PTPRN2: variants seen among roughly 807,000 people sequenced by gnomAD.
PTPRN2 encodes protein tyrosine phosphatase receptor type N2.
PTPRN2 carries 74 observed loss-of-function variants against 118.8 expected under a neutral mutation model. The ratio of observed to expected loss-of-function variants is 0.62; its 90% confidence interval spans 0.52 to 0.76. The LOEUF (loss-of-function observed/expected upper bound fraction) is 0.76, where lower values mean the gene tolerates loss of function less well. Ranked by LOEUF, PTPRN2 falls within the 30% of genes least tolerant of loss-of-function variation. The pLI is 0.00. For synonymous variants in PTPRN2, 641 were observed against 608.0 expected (o/e 1.05, Z -0.80); for missense variants, 1,481 against 1,394.4 (o/e 1.06, Z -0.99).
chr7:158,107,749 C>T (rs1446262855), intron 10 of PTPRN2, among the ~76,000 whole-genome samples: 3 of 152,158 alleles, frequency 2.0e-5, no homozygotes, highest in African/African-American at 4.8e-5. Context: ...CACGCTGTAC[C>T]TGCTCTCTTC....
chr7:157,795,767 T>G (rs868150470), intron 12 of PTPRN2, among the ~76,000 whole-genome samples: 34 of 151,506 alleles, frequency 2.2e-4, no homozygotes, highest in Middle Eastern at 6.8e-3. Context: ...AGGCGGGAGG[T>G]GGAGGAGGTG....
chr7:158,240,378 C>T (rs1350313811), intron 3 of PTPRN2, among the ~76,000 whole-genome samples: 13 of 152,294 alleles, frequency 8.5e-5, no homozygotes, highest in African/African-American at 3.1e-4. Context: ...ACCTCGAATA[C>T]GACCAGGACA....
chr7:158,062,542 G>A (rs779467082), intron 11 of PTPRN2, among the ~76,000 whole-genome samples: 55 of 152,072 alleles, frequency 3.6e-4, no homozygotes, highest in African/African-American at 1.1e-3. Context: ...GGCCTGAGCC[G>A]GCTCCCTCTG....
chr7:158,238,188 G>A (rs1795659410), intron 3 of PTPRN2, among the ~76,000 whole-genome samples: 1 of 152,146 alleles, frequency 6.6e-6, no homozygotes, highest in African/African-American at 2.4e-5. Flanking sequence ...TTGGCTGGGA[G>A]GAAAGGCCAG....
At chr7:158,074,045 G>A (rs547703625) in intron 11 of PTPRN2, among the ~76,000 whole-genome samples, 18 of 152,320 alleles carry the variant, frequency 1.2e-4, no homozygotes, top group East Asian at 5.8e-4. Flanking sequence ...CCATCCTGCC[G>A]TCCTCCCGTC....
intron 1 of PTPRN2, among the ~76,000 whole-genome samples, chr7:158,582,457 G>T (rs1435977865): frequency 6.6e-6 from 1 of 151,960 alleles, no homozygotes; most frequent in East Asian, 1.9e-4. Context: ...CAGTGGCTAT[G>T]CACGTAATCC....
chr7:157,750,214 A>G (rs914610186), intron 12 of PTPRN2, among the ~76,000 whole-genome samples: 7 of 152,112 alleles, frequency 4.6e-5, no homozygotes, highest in African/African-American at 1.7e-4. Flanking sequence ...TCTTTTAGAG[A>G]ATGCTCGATT....
At chr7:157,731,230 C>A (rs1799880390) in intron 12 of PTPRN2, among the ~76,000 whole-genome samples, 1 of 152,168 alleles carries the variant, frequency 6.6e-6, no homozygotes, top group African/African-American at 2.4e-5. Flanking sequence ...GCCAAGCCCA[C>A]CCTGAGTTCC....
intron 12 of PTPRN2, among the ~76,000 whole-genome samples, chr7:157,759,889 A>AG (rs1802028123): frequency 6.6e-6 from 1 of 152,164 alleles, no homozygotes; most frequent in African/African-American, 2.4e-5. Context: ...ATGGAACACA[A>AG]GTCCAGCACT....
chr7:157,877,400 A>G (rs973360776), intron 12 of PTPRN2, among the ~76,000 whole-genome samples: 2 of 143,258 alleles, frequency 1.4e-5, no homozygotes, highest in Middle Eastern at 4.4e-3. Flanking sequence ...ATCTGAGTGC[A>G]GCGCCAGGGT....
rs1366936762 is a variant in PTPRN2 at position 157,861,548 on chromosome 7, C to T, written c.1788+37125G>A. On this transcript the variant is annotated intron_variant, in intron 12 of 22. Coordinates refer to ENST00000389418, the MANE Select transcript of PTPRN2 (RefSeq NM_002847.5). The surrounding 1 kb of genome is among the most constrained non-coding windows in gnomAD (Gnocchi z 5.8). The stretch of plus-strand genomic sequence containing the variant: ...GGCCTCCCCACCTTACCTGCAGACA[C>T]GCTCCCTGTACTCAAAGCCGAGCTG... Among the ~76,000 whole-genome samples the T allele has an allele frequency of 6.6e-6, 1 of 152,210 alleles. No homozygotes were observed. The highest frequency in any genetic ancestry group is 1.5e-5 in the Non-Finnish European group (1 of 68,036).
At chr7:157,642,312 A>G (rs1804721649) in intron 14 of PTPRN2, among the ~76,000 whole-genome samples, 1 of 152,228 alleles carries the variant, frequency 6.6e-6, no homozygotes, top group Non-Finnish European at 1.5e-5. Context: ...ACCTGACGCC[A>G]GCTCATTTCT....
chr7:157,559,925 G>A (rs187237428), intron 21 of PTPRN2, among the ~76,000 whole-genome samples: 3 of 152,250 alleles, frequency 2.0e-5, no homozygotes, highest in African/African-American at 4.8e-5. Context: ...TCCTGCTGGC[G>A]TGGTCTGACC....
At chr7:158,372,421 CACTGGTCCCCGAA>C (rs1810120196) in intron 2 of PTPRN2, among the ~76,000 whole-genome samples, 4 of 140,322 alleles carry the variant, frequency 2.9e-5, no homozygotes, top group Non-Finnish European at 4.6e-5. Flanking sequence ...GTCCCCCCAA[CACTGGTCCCCGAA>C]GCTGGTCCCC....
At chr7:158,172,839 C>T (rs139017835) in intron 5 of PTPRN2, among the ~76,000 whole-genome samples, 3 of 145,882 alleles carry the variant, frequency 2.1e-5, no homozygotes, top group African/African-American at 8.3e-5. Context: ...AGCATCCCCA[C>T]CATCATCAAC....
chr7:158,405,064 T>C (rs1205404873), intron 2 of PTPRN2, among the ~76,000 whole-genome samples: 37 of 82,886 alleles, frequency 4.5e-4, no homozygotes, highest in South Asian at 5.1e-4. Context: ...CCCAGCTCCC[T>C]GGCCTCCAGC....
chr7:158,165,166 G>T lies in PTPRN2; in HGVS notation c.910+1765C>A, dbSNP rs1325557859. 3.9e-5 allele frequency among the ~76,000 whole-genome samples: 6 copies of T among 152,316 alleles called. 1 individual carries two copies. Among genetic ancestry groups the T allele is most frequent in the Admixed American group, 1.3e-4 (2 of 15,312 alleles). ...GCAGGAGGCAGTGAAGACCCCCGAT[G>T]GTGTCTAGTACCCACGAAAGTGCAG... On this transcript the variant is annotated intron_variant, in intron 6 of 22. Transcript: ENST00000389418.
chr7:158,315,511 G>A (rs1047657476), intron 3 of PTPRN2, among the ~76,000 whole-genome samples: 3 of 151,064 alleles, frequency 2.0e-5, no homozygotes, highest in African/African-American at 4.9e-5. Flanking sequence ...CAAGGACAGA[G>A]GTGAACCCGG....
intron 10 of PTPRN2, among the ~76,000 whole-genome samples, chr7:158,083,897 C>T (rs562475832): frequency 8.3e-4 from 57 of 68,400 alleles, no homozygotes; most frequent in African/African-American, 2.2e-3. Context: ...GGGTCGGTAA[C>T]GTGACCCCAA....
Sources: gnomAD v4.1 joint callset for allele counts (sites outside exome capture counted in the v4.1 genomes callset) on GRCh38, gnomAD v4.1.1 for gene constraint, Gnocchi (gnomAD v3.1) non-coding constraint, MANE v1.5 for transcripts, NCBI Gene and HGNC (gene_info 2026-07-23, HGNC 2026-07-21) for gene names.